Variants in PDE7B observed in about 807,000 individuals in gnomAD.
PDE7B encodes the protein 3',5'-cyclic-AMP phosphodiesterase 7B.
A neutral mutation model predicts 56.2 loss-of-function variants in PDE7B; 29 were observed. That is an observed-to-expected ratio of 0.52 (90% CI 0.38 to 0.70). PDE7B has a LOEUF of 0.70. PDE7B is among the 30% of genes least tolerant of loss of function. The pLI is 0.00. For synonymous variants in PDE7B, 197 were observed against 196.9 expected, an observed-to-expected ratio of 1.00 and a Z score of 0.00; for missense variants, 490 against 565.0, an observed-to-expected ratio of 0.87 and a Z score of 1.35.
intron 3 of PDE7B, among the ~76,000 whole-genome samples, chr6:136,145,632 T>C (rs1387094685): frequency 6.6e-6 from 1 of 152,138 alleles, no homozygotes; most frequent in Non-Finnish European, 1.5e-5. Context: ...ACCTGACCCA[T>C]TAGCAGCATT....
chr6:136,031,725 C>G (rs1229986778), intron 2 of PDE7B, among the ~76,000 whole-genome samples: 1 of 120,658 alleles, frequency 8.3e-6, no homozygotes, highest in African/African-American at 3.1e-5. Flanking sequence ...GGCGACAGAG[C>G]GAGACTCCGT....
intron 3 of PDE7B, among the ~76,000 whole-genome samples, chr6:136,125,972 G>C (rs1384363506): frequency 6.6e-6 from 1 of 151,708 alleles, no homozygotes; most frequent in African/African-American, 2.4e-5. Flanking sequence ...ATTCTCATAA[G>C]TTAAAAAAAA....
intron 2 of PDE7B, among the ~76,000 whole-genome samples, chr6:135,987,246 A>G (rs983602232): frequency 1.4e-3 from 207 of 152,292 alleles, no homozygotes; most frequent in African/African-American, 4.5e-3. Context: ...TTCTCAGCTC[A>G]GGCGAAAGCT....
chr6:136,178,678 A>C (rs1779017798), intron 9 of PDE7B, among the ~76,000 whole-genome samples: 1 of 152,172 alleles, frequency 6.6e-6, no homozygotes, highest in African/African-American at 2.4e-5. Context: ...TGATTCTACA[A>C]GTCTTTTGTG....
chr6:136,035,082 C>CATTA (rs895804978), intron 2 of PDE7B: 1 of 152,154 alleles, frequency 6.6e-6, no homozygotes. Flanking sequence ...GTCTGCAACC[C>CATTA]ATTAATTACT....
chr6:136,185,636 A>C (rs1181735793), intron 11 of PDE7B, among the ~76,000 whole-genome samples: 2 of 152,014 alleles, frequency 1.3e-5, no homozygotes, highest in African/African-American at 2.4e-5. Flanking sequence ...GTGGTGGTAC[A>C]TGCCTGTAGT....
chr6:135,869,178 G>T (rs1775324034), intron 1 of PDE7B, among the ~76,000 whole-genome samples: 1 of 152,076 alleles, frequency 6.6e-6, no homozygotes, highest in Admixed American at 6.6e-5. Context: ...TTAGATTTTA[G>T]GATTGGGGTG....
intron 1 of PDE7B, among the ~76,000 whole-genome samples, chr6:135,912,548 A>T (rs1302356732): frequency 6.6e-6 from 1 of 152,080 alleles, no homozygotes. Context: ...ATATTTCTAA[A>T]TGTTGGGGAT....
chr6:136,037,351 T>C, intron 2 of PDE7B: 1 of 877,346 alleles, frequency 1.1e-6, no homozygotes, highest in Non-Finnish European at 1.4e-6. Context: ...TTCAATGTTA[T>C]TTCCCTTCCA....
intron 1 of PDE7B, among the ~76,000 whole-genome samples, chr6:135,927,969 G>C (rs923580826): frequency 1.3e-5 from 2 of 151,994 alleles, no homozygotes; most frequent in African/African-American, 2.4e-5. Flanking sequence ...TAAAAATTGG[G>C]CATCAGTCAT....
At chr6:135,921,473 A>T (rs1209036261) in intron 1 of PDE7B, among the ~76,000 whole-genome samples, 1 of 152,172 alleles carries the variant, frequency 6.6e-6, no homozygotes, top group South Asian at 2.1e-4. Flanking sequence ...AAATCAGTGC[A>T]TGGAAATTCC....
At chr6:136,049,986 C>T (rs1370068863) in intron 2 of PDE7B, among the ~76,000 whole-genome samples, 1 of 151,936 alleles carries the variant, frequency 6.6e-6, no homozygotes, top group African/African-American at 2.4e-5. Flanking sequence ...AGAAGTTACA[C>T]AACATATGTG....
chr6:135,986,772 G>A (rs1045708415), intron 2 of PDE7B, among the ~76,000 whole-genome samples: 1 of 152,168 alleles, frequency 6.6e-6, no homozygotes, highest in African/African-American at 2.4e-5. Flanking sequence ...TTATGATTAG[G>A]ATAAGTCCAT....
intron 1 of PDE7B, among the ~76,000 whole-genome samples, chr6:135,922,026 T>A (rs1472974687): frequency 6.6e-6 from 1 of 152,152 alleles, no homozygotes; most frequent in Non-Finnish European, 1.5e-5. Flanking sequence ...TTCATGAGGG[T>A]TATTTTTACT....
rs1463430843 is a variant in PDE7B at position 135,871,860 on chromosome 6, A to ATTAACTG, written c.21+19843_21+19844insAACTGTT. 6.6e-4 allele frequency among the ~76,000 whole-genome samples: 100 copies of ATTAACTG among 152,230 alleles called. 1 individual carries two copies. Among genetic ancestry groups the ATTAACTG allele is most frequent in the African/African-American group, 2.3e-3 (96 of 41,538 alleles). Reference sequence around the variant, plus strand: ...GGAAAGATCTAAGTAACTATTAACTATTGTTTATTATTATTGTCTTGTAGC... The same window carrying ATTAACTG: ...GGAAAGATCTAAGTAACTATTAACTATTAACTGTTGTTTATTATTATTGTCTTGTAGC... On this transcript the variant is annotated intron_variant, in intron 1 of 12. Transcript: ENST00000308191.
In PDE7B at chr6:136,148,619, AT is replaced by A. The variant is rs572408153; in HGVS notation, c.319-463del. On this transcript the variant is annotated intron_variant, in intron 4 of 12. Coordinates refer to ENST00000308191, the MANE Select transcript of PDE7B (RefSeq NM_018945.4). ...ACAGCTTAAGGTCTGAGATTGGGAA[AT>A]TTTTGAATGTTTGCTTGTTTGTTGA... 1.7e-3 allele frequency among the ~76,000 whole-genome samples: 256 copies of A among 152,248 alleles called. 2 individuals are homozygous for A. The highest frequency in any genetic ancestry group is 5.8e-3 in the African/African-American group (240 of 41,546).
intron 1 of PDE7B, among the ~76,000 whole-genome samples, chr6:135,906,704 G>T (rs989382257): frequency 6.6e-6 from 1 of 151,282 alleles, no homozygotes. Context: ...TTGACTAAAT[G>T]GTATGAACGT....
chr6:136,014,435 T>C (rs1324965826), intron 2 of PDE7B, among the ~76,000 whole-genome samples: 3 of 152,226 alleles, frequency 2.0e-5, no homozygotes, highest in African/African-American at 7.2e-5. Context: ...ATTTGAATTA[T>C]TTAATTTATG....
Position 136,002,890 on chromosome 6 carries a change from C to G in PDE7B, c.82+55366C>G, listed in dbSNP as rs376587604. Among the ~76,000 whole-genome samples the G allele has an allele frequency of 2.5e-3, 374 of 151,900 alleles. 9 individuals are homozygous for G. The East Asian group carries it at 0.045, about 18-fold the overall frequency. On this transcript the variant is annotated intron_variant, in intron 2 of 12. Transcript: ENST00000308191. ...CAGAACTCTCCACCCCAAATCAACA[C>G]AATATACATTTTTTTCAGCACCACA...
Sources: allele counts gnomAD v4.1 joint callset (sites outside exome capture counted in the v4.1 genomes callset), GRCh38; gene constraint gnomAD v4.1.1; transcripts MANE v1.5; gene names NCBI Gene and HGNC (gene_info 2026-07-23, HGNC 2026-07-21).